The following DLGAP1 variants were observed in gnomAD, a reference collection of about 807,000 sequenced individuals.
DLGAP1 encodes disks large-associated protein 1.
A neutral mutation model predicts 90.8 loss-of-function variants in DLGAP1; 11 were observed. That is an observed-to-expected ratio of 0.12 (90% CI 0.08 to 0.20). DLGAP1 has a LOEUF of 0.20. Among genes scored for constraint, DLGAP1 ranks in the 10% least tolerant of loss-of-function variants. DLGAP1 has a pLI of 1.00. For missense variants in DLGAP1, 1,050 were observed against 1,333.8 expected (o/e 0.79, Z 3.31); for synonymous variants, 558 against 540.7 (o/e 1.03, Z -0.44).
At chr18:4,160,274 A>AT (rs1327950915) in intron 1 of DLGAP1, among the ~76,000 whole-genome samples, 3 of 152,104 alleles carry the variant, frequency 2.0e-5, no homozygotes, top group African/African-American at 4.8e-5. Flanking sequence ...TTTGCAAGGC[A>AT]TTTTTTTCTT....
intron 7 of DLGAP1, among the ~76,000 whole-genome samples, chr18:3,604,608 G>A (rs1421994867): frequency 1.3e-5 from 2 of 152,074 alleles, no homozygotes; most frequent in African/African-American, 2.4e-5. Flanking sequence ...TTATCTGTAA[G>A]CACTCCTTTG....
At chr18:3,652,674 T>G (rs1352720972) in intron 7 of DLGAP1, among the ~76,000 whole-genome samples, 1 of 152,238 alleles carries the variant, frequency 6.6e-6, no homozygotes, top group Non-Finnish European at 1.5e-5. Flanking sequence ...GAGAGGCTCA[T>G]CTGTTCCTAT....
intron 9 of DLGAP1, among the ~76,000 whole-genome samples, chr18:3,544,788 G>C (rs962922820): frequency 2.6e-5 from 4 of 150,998 alleles, no homozygotes; most frequent in Non-Finnish European, 5.9e-5. Context: ...GCTTAGGCTG[G>C]AATGCAGTGG....
In DLGAP1 at chr18:3,976,555, T is replaced by A. The variant is rs371272687; in HGVS notation, c.-73+28561A>T. On this transcript the variant is annotated intron_variant, in intron 3 of 12. Transcript: ENST00000315677. ...TTTTATATAGTATTAATTTTCTTCA[T>A]GTTACTGGGCAGTCTTTGTAATTTT... is the stretch of plus-strand genomic sequence containing the variant. Among the ~76,000 whole-genome samples the A allele has an allele frequency of 2.0e-5, 3 of 152,224 alleles. No individual in the cohort carries two copies. The East Asian group carries it at 5.8e-4, about 29-fold the overall frequency.
intron 7 of DLGAP1, chr18:3,603,878 C>T (rs989692172): frequency 6.5e-6 from 1 of 154,350 alleles, no homozygotes; most frequent in African/African-American, 2.4e-5. Flanking sequence ...TCGCCACAGG[C>T]TACCACCACT....
At chr18:4,381,876 T>A (rs985550120) in intron 1 of DLGAP1, among the ~76,000 whole-genome samples, 1 of 152,094 alleles carries the variant, frequency 6.6e-6, no homozygotes, top group Admixed American at 6.6e-5. Context: ...GACTCACAGT[T>A]CCACGTGGCT....
At chr18:3,900,594 A>G (rs1432946264) in intron 3 of DLGAP1, among the ~76,000 whole-genome samples, 5 of 152,212 alleles carry the variant, frequency 3.3e-5, no homozygotes, top group East Asian at 1.9e-4. Context: ...AAGAAAGCCT[A>G]TCAGCTTGTG....
At chr18:3,710,418 G>A (rs1259994513) in intron 7 of DLGAP1, among the ~76,000 whole-genome samples, 1 of 152,262 alleles carries the variant, frequency 6.6e-6, no homozygotes, top group Non-Finnish European at 1.5e-5. Context: ...ATTTTTGTTT[G>A]TTTGTTAGTT....
At chr18:4,085,596 C>A (rs1336552440) in intron 2 of DLGAP1, among the ~76,000 whole-genome samples, 1 of 152,208 alleles carries the variant, frequency 6.6e-6, no homozygotes, top group Non-Finnish European at 1.5e-5. Context: ...AACCTTCTAA[C>A]TGCCAATATC....
Position 3,626,190 on chromosome 18 carries a change from G to C in DLGAP1, c.1592-43942C>G, listed in dbSNP as rs534616175. Among the ~76,000 whole-genome samples the C allele has an allele frequency of 3.9e-5, 6 of 152,174 alleles. No homozygotes were observed. The South Asian group carries it at 1.2e-3, about 32-fold the overall frequency. On this transcript the variant is annotated intron_variant, in intron 7 of 12. Coordinates refer to ENST00000315677, the MANE Select transcript of DLGAP1 (RefSeq NM_004746.4). ...TCCCTGTAGTGCCAGCTACTTGGGG[G>C]GCTGAGGTGGGAGGATCACTTTAGC...
intron 3 of DLGAP1, among the ~76,000 whole-genome samples, chr18:3,905,960 C>G (rs1249124880): frequency 6.6e-6 from 1 of 152,222 alleles, no homozygotes; most frequent in Non-Finnish European, 1.5e-5. Flanking sequence ...AAGAGTACCT[C>G]TAGCCATTGC....
At chr18:3,594,277 G>A (rs1201622163) in intron 7 of DLGAP1, 2 of 152,114 alleles carry the variant, frequency 1.3e-5, no homozygotes, top group African/African-American at 2.4e-5. Context: ...AAGGGCAAGT[G>A]GCACAATCTC....
In DLGAP1 at chr18:3,879,778, G is replaced by A. The variant is rs752520504; in HGVS notation, c.291C>T (p.Asn97=). 1.2e-6 allele frequency: 2 copies of A among 1,607,166 alleles called. No individual in the cohort carries two copies. Among genetic ancestry groups the A allele is most frequent in the African/African-American group, 2.7e-5 (2 of 74,944 alleles). ...LVPRTLATKA[N]RIPANLLDQF... ...GGTCCAGCAGGTTGGCGGGGATGCG[G>A]TTCGCCTTGGTGGCCAGGGTGCGGG... Residue 97 remains asparagine (N), a synonymous_variant, in exon 4 of 13, where the codon AAC becomes AAT. Transcript: ENST00000315677. This position sits in a 1 kb window ranked among gnomAD's most constrained non-coding sequence, Gnocchi z 6.6.
In DLGAP1 at chr18:4,152,180, G is replaced by A. The variant is rs149918006; in HGVS notation, c.-266-893C>T. 4.2e-3 allele frequency among the ~76,000 whole-genome samples: 633 copies of A among 152,216 alleles called. 10 individuals carry two copies. The highest frequency in any genetic ancestry group is 0.014 in the African/African-American group (595 of 41,518). ...CTGATGTCGAAAAGTGTAAATACCT[G>A]TAAAGGTCTGTTTCTATTTTTTTGT... On this transcript the variant is annotated intron_variant, in intron 1 of 12. Transcript: ENST00000315677.
chr18:4,246,983 T>G lies in DLGAP1; in HGVS notation c.-266-95696A>C, dbSNP rs370570063. 1.8e-4 allele frequency among the ~76,000 whole-genome samples: 27 copies of G among 152,344 alleles called. 2 individuals are homozygous for G. The highest frequency in any genetic ancestry group is 1.7e-3 in the South Asian group (8 of 4,826). The stretch of plus-strand genomic sequence containing the variant: ...AGATAAGCTCTCTTATTTTATTCAA[T>G]GATAATGGCTTAGAATTCTGCTAGT... On this transcript the variant is annotated intron_variant, in intron 1 of 12. Coordinates refer to ENST00000315677, the MANE Select transcript of DLGAP1 (RefSeq NM_004746.4).
intron 7 of DLGAP1, chr18:3,656,040 C>A (rs374273483): frequency 2.0e-6 from 3 of 1,524,742 alleles, no homozygotes; most frequent in East Asian, 2.5e-5. Flanking sequence ...CGCTATGCAA[C>A]CTTTAAGCAA....
intron 4 of DLGAP1, among the ~76,000 whole-genome samples, chr18:3,867,002 C>CAT (rs1192824622): frequency 6.6e-6 from 1 of 150,958 alleles, no homozygotes; most frequent in South Asian, 2.1e-4. Flanking sequence ...CAGGCACATG[C>CAT]CACCACACCC....
chr18:4,207,915 T>C (rs757108438), intron 1 of DLGAP1, among the ~76,000 whole-genome samples: 6 of 152,224 alleles, frequency 3.9e-5, no homozygotes, highest in Non-Finnish European at 2.9e-5. Flanking sequence ...CATATTGTAT[T>C]ATCTACTAGA....
intron 1 of DLGAP1, among the ~76,000 whole-genome samples, chr18:4,227,670 T>C (rs549502663): frequency 6.6e-6 from 1 of 151,220 alleles, no homozygotes; most frequent in East Asian, 1.9e-4. Flanking sequence ...AAACACAATA[T>C]ACAAAACCTA....
Sources: allele counts gnomAD v4.1 joint callset (sites outside exome capture counted in the v4.1 genomes callset), GRCh38; gene constraint gnomAD v4.1.1; non-coding constraint Gnocchi (gnomAD v3.1); transcripts MANE v1.5; gene names NCBI Gene and HGNC (gene_info 2026-07-23, HGNC 2026-07-21).